Variants in SERPINF2 observed in about 807,000 individuals in gnomAD.
SERPINF2 encodes serpin family F member 2, also known as alpha-2-antiplasmin.
In SERPINF2, 15 loss-of-function variants were observed where a neutral mutation model predicts 45.0. The observed-to-expected ratio is 0.33, with a 90% CI of 0.22 to 0.51. The LOEUF (loss-of-function observed/expected upper bound fraction) is 0.51, where lower values mean the gene tolerates loss of function less well. Ranked by LOEUF, SERPINF2 falls within the 20% of genes least tolerant of loss-of-function variation. The pLI, the probability that SERPINF2 is intolerant of heterozygous loss-of-function variation, is 0.97. For synonymous variants in SERPINF2, 283 were observed against 277.9 expected, an observed-to-expected ratio of 1.02 and a Z score of -0.18; for missense variants, 518 against 637.4, an observed-to-expected ratio of 0.81 and a Z score of 2.02.
At chr17:1,743,579 G>A (rs982345097) in intron 1 of SERPINF2, among the ~76,000 whole-genome samples, 3 of 152,026 alleles carry the variant, frequency 2.0e-5, no homozygotes, top group Non-Finnish European at 4.4e-5. Flanking sequence ...GCCAGGCATG[G>A]TGGCACATGC....
At position 1,748,638 on chromosome 17, in the gene SERPINF2, A is replaced by G; in HGVS notation, c.756A>G (p.Arg252=). The G allele has an allele frequency of 1.2e-6, 2 of 1,614,102 alleles. No homozygotes were observed. The highest frequency in any genetic ancestry group is 1.7e-6 in the Non-Finnish European group (2 of 1,180,036). Residue 252 remains arginine, a synonymous_variant, in exon 8 of 10, where the codon AGA becomes AGG. Coordinates refer to ENST00000453066, the MANE Select transcript of SERPINF2 (RefSeq NM_000934.4). Reference sequence around the variant, plus strand: ...AGTTTGACCCGAGCCTTACCCAGAGAGACTCCTTCCACCTGGACGAGCAGT... The same window carrying G: ...AGTTTGACCCGAGCCTTACCCAGAGGGACTCCTTCCACCTGGACGAGCAGT... ...RNKFDPSLTQ[R]DSFHLDEQFT...
Position 1,745,990 on chromosome 17 carries a change from G to C in SERPINF2, c.367+81G>C, listed in dbSNP as rs754992110. ...GTACTCCAATGGTTCTCCGCGGGCGGTTCCTCCACCAGGGTCACGTGGCTG... is the reference window on the plus strand; with the variant it reads ...GTACTCCAATGGTTCTCCGCGGGCGCTTCCTCCACCAGGGTCACGTGGCTG... On this transcript the variant is annotated intron_variant, in intron 5 of 9. Transcript: ENST00000453066. The surrounding 1 kb of genome is among the most constrained non-coding windows in gnomAD (Gnocchi z 6.2). 1.4e-5 allele frequency: 21 copies of C among 1,474,872 alleles called. No individual in the cohort carries two copies. The highest frequency in any genetic ancestry group is 2.0e-5 in the Non-Finnish European group (21 of 1,055,426). 91.4% of individuals were successfully genotyped at this position (1,474,872 alleles called of 1,614,324 possible).
At chr17:1,752,466 T>A (rs902775637) in intron 8 of SERPINF2, 120 bp from the exon 9 acceptor site, 2 of 861,762 alleles carry the variant, frequency 2.3e-6, no homozygotes, top group Non-Finnish European at 3.9e-6. Flanking sequence ...GTGGGGTCAG[T>A]CACACGCCTG....
rs149559257 is a variant in SERPINF2, at chr17:1,748,883, G to T, written c.858+143G>T. On this transcript the variant is annotated intron_variant, in intron 8 of 9. Coordinates refer to ENST00000453066, the MANE Select transcript of SERPINF2 (RefSeq NM_000934.4). ...GTCCCCTAGGCAGGCAACTGCAAAA[G>T]GTCCCATGATCCCCCATCCTACCTG... The T allele has an allele frequency of 5.2e-4, 381 of 726,364 alleles. 2 individuals carry two copies. The East Asian group carries it at 9.3e-3, about 18-fold the overall frequency. The allele number at this position is 726,364 out of a possible 1,614,324, so 45.0% of individuals were successfully genotyped here.
Position 1,747,348 on chromosome 17 carries a change from A to G in SERPINF2, c.551A>G (p.Gln184Arg), listed in dbSNP as rs536156123. Residue 184 changes from glutamine (Q) to arginine (R), a missense_variant, in exon 7 of 10, where the codon CAG (glutamine) becomes CGG (arginine). Transcript: ENST00000453066. ...GAAGATTTCCTGGAACAATCCGAACAGCTATTTGGGGCAAAGCCCGTGAGC... is the reference window on the plus strand; with the variant it reads ...GAAGATTTCCTGGAACAATCCGAACGGCTATTTGGGGCAAAGCCCGTGAGC... ...IKEDFLEQSE[Q>R]LFGAKPVSLT... 4.3e-6 allele frequency: 7 copies of G among 1,614,140 alleles called. No individual in the cohort carries two copies. Among genetic ancestry groups the G allele is most frequent in the Non-Finnish European group, 4.2e-6 (5 of 1,180,042 alleles).
intron 1 of SERPINF2, among the ~76,000 whole-genome samples, chr17:1,743,460 C>T (rs1032416556): frequency 7.3e-5 from 11 of 151,624 alleles, no homozygotes; most frequent in Non-Finnish European, 1.5e-4. Context: ...TCATGCCTGT[C>T]ATCCCAGCAC....
chr17:1,750,040 C>G (rs2034865233), intron 8 of SERPINF2, among the ~76,000 whole-genome samples: 1 of 151,548 alleles, frequency 6.6e-6, no homozygotes, highest in Non-Finnish European at 1.5e-5. Context: ...GTGGCACGAT[C>G]TCGGCTCACT....
Position 1,747,531 on chromosome 17 carries a change from C to T in SERPINF2, c.715+19C>T. 1.2e-6 allele frequency: 2 copies of T among 1,611,198 alleles called. No individual in the cohort carries two copies. Among genetic ancestry groups the T allele is most frequent in the South Asian group, 1.1e-5 (1 of 90,710 alleles). ...TTCCAGGGTGCGCTCCTCCTCCTCT[C>T]AGATCCCCCACCCTGTAGGCTGAGC... On this transcript the variant is annotated intron_variant, in intron 7 of 9. Coordinates refer to ENST00000453066, the MANE Select transcript of SERPINF2 (RefSeq NM_000934.4).
In SERPINF2 at chr17:1,745,222, G is replaced by A. The variant is rs747387759; in HGVS notation, c.102+9G>A. The stretch of plus-strand genomic sequence containing the variant: ...AGCCCTTGGGCCGGCAGGTACTGGG[G>A]AGTGAGGAGCCTGTGATGGGGGGAA... On this transcript the variant is annotated intron_variant, in intron 3 of 9. Transcript: ENST00000453066. The surrounding 1 kb of genome is among the most constrained non-coding windows in gnomAD (Gnocchi z 6.2). 3 of 1,573,494 alleles carry A rather than the reference G, an allele frequency of 1.9e-6. No homozygotes were observed. The highest frequency in any genetic ancestry group is 3.7e-5 in the Admixed American group (2 of 53,364).
chr17:1,747,870 G>T (rs1268255568), intron 7 of SERPINF2, among the ~76,000 whole-genome samples: 7 of 151,824 alleles, frequency 4.6e-5, no homozygotes, highest in African/African-American at 1.7e-4. Flanking sequence ...GGCCATGCAG[G>T]CTTTGTTCTG....
intron 9 of SERPINF2, among the ~76,000 whole-genome samples, chr17:1,753,580 G>A (rs771914209): frequency 1.3e-5 from 2 of 152,176 alleles, no homozygotes; most frequent in Non-Finnish European, 2.9e-5. Flanking sequence ...CAGCTACTTG[G>A]GAGGCTGAGG....
intron 8 of SERPINF2, among the ~76,000 whole-genome samples, chr17:1,751,637 C>A (rs73292937): frequency 0.29 from 39,027 of 134,566 alleles, 9,797 homozygotes; most frequent in East Asian, 0.32. Context: ...ACCTGTAATC[C>A]CAGCTACTCG....
chr17:1,748,232 CGGT>C (rs1305132910), intron 7 of SERPINF2, among the ~76,000 whole-genome samples: 2 of 150,232 alleles, frequency 1.3e-5, no homozygotes, highest in Non-Finnish European at 3.0e-5. Context: ...GCCCGGGAGG[CGGT>C]GGAGCTTGCA....
intron 5 of SERPINF2, among the ~76,000 whole-genome samples, 192 bp downstream of exon 5, chr17:1,746,101 C>T (rs954582220): frequency 2.2e-4 from 33 of 152,188 alleles, no homozygotes; most frequent in African/African-American, 7.0e-4. Context: ...GGGTGGATCA[C>T]GAGGTCAGGA....
Position 1,752,755 on chromosome 17 carries a change from A to G in SERPINF2, c.1028A>G (p.His343Arg). The G allele has an allele frequency of 6.2e-7, 1 of 1,613,428 alleles. No individual in the cohort carries two copies. The highest frequency in any genetic ancestry group is 8.5e-7 in the Non-Finnish European group (1 of 1,179,824). Reference protein sequence around the residue: ...KVRLPKLYLKHQMDLVATLSQ... With the variant: ...KVRLPKLYLKRQMDLVATLSQ... ...CGGCTGCCTAAGCTGTATCTGAAACACCAAATGGACCTGGTGGCCACCCTC... is the reference window on the plus strand; with the variant it reads ...CGGCTGCCTAAGCTGTATCTGAAACGCCAAATGGACCTGGTGGCCACCCTC... Residue 343 changes from histidine to arginine, a missense_variant, in exon 9 of 10, where the codon CAC becomes CGC. Coordinates refer to ENST00000453066, the MANE Select transcript of SERPINF2 (RefSeq NM_000934.4).
chr17:1,743,441 C>T (rs1040865144), intron 1 of SERPINF2, among the ~76,000 whole-genome samples: 3 of 152,184 alleles, frequency 2.0e-5, no homozygotes, highest in Admixed American at 6.5e-5. Context: ...TGGGGCCAGG[C>T]GTGGTGGCTC....
chr17:1,744,938 C>T, intron 1 of SERPINF2, 54 bp from the exon 2 acceptor site: 1 of 1,612,226 alleles, frequency 6.2e-7, no homozygotes, highest in Non-Finnish European at 8.5e-7. Context: ...GGTAGGATTC[C>T]CTGGCGGGCG....
Position 1,745,006 on chromosome 17 carries a change from T to C in SERPINF2, c.11T>C (p.Leu4Pro). 6.2e-7 allele frequency: 1 copy of C among 1,613,812 alleles called. No homozygotes were observed. Residue 4 changes from leucine (L) to proline (P), a missense_variant, in exon 2 of 10, where the codon CTC becomes CCC. Physicochemically the swap from Leu to Pro is moderately conservative, Grantham distance 98. Around this residue, in one of 2 missense-constraint regions of SERPINF2, gnomAD observed 435 missense variants for 577.3 expected, o/e 0.75. Coordinates refer to ENST00000453066, the MANE Select transcript of SERPINF2 (RefSeq NM_000934.4). The surrounding 1 kb of genome is among the most constrained non-coding windows in gnomAD (Gnocchi z 6.2). MALLWGLLVLSWSC... is the reference protein window; with the variant it reads MALPWGLLVLSWSC... ...CCCTGCCACAGGAACATGGCGCTGCTCTGGGGGCTCCTGGTGCTCAGCTGG... is the reference window on the plus strand; with the variant it reads ...CCCTGCCACAGGAACATGGCGCTGCCCTGGGGGCTCCTGGTGCTCAGCTGG...
chr17:1,745,923 A>T lies in SERPINF2; in HGVS notation c.367+14A>T. On this transcript the variant is annotated intron_variant, in intron 5 of 9. Coordinates refer to ENST00000453066, the MANE Select transcript of SERPINF2 (RefSeq NM_000934.4). This position sits in a 1 kb window ranked among gnomAD's most constrained non-coding sequence, Gnocchi z 6.2. Reference sequence around the variant, plus strand: ...ACCTGGCACTAGGTACCCTGGCACCACTTGTCCAGACCAAGAGAGCTGGGA... The same window carrying T: ...ACCTGGCACTAGGTACCCTGGCACCTCTTGTCCAGACCAAGAGAGCTGGGA... 6.2e-7 allele frequency: 1 copy of T among 1,610,850 alleles called. No homozygotes were observed. The highest frequency in any genetic ancestry group is 8.5e-7 in the Non-Finnish European group (1 of 1,178,916).
Sources: gnomAD v4.1 joint callset for allele counts (sites outside exome capture counted in the v4.1 genomes callset) on GRCh38, gnomAD v4.1.1 for gene constraint, gnomAD v4.1.1 regional missense constraint, Gnocchi (gnomAD v3.1) non-coding constraint, MANE v1.5 for transcripts, NCBI Gene and HGNC (gene_info 2026-07-23, HGNC 2026-07-21) for gene names.